Variants in LPCAT2 observed in about 807,000 individuals in gnomAD.
The protein encoded by LPCAT2 is 1-AGP acyltransferase 11.
LPCAT2 carries 58 observed loss-of-function variants against 64.7 expected under a neutral mutation model. That is an observed-to-expected ratio of 0.90 (90% CI 0.73 to 1.12). The LOEUF is 1.12. Ranked by LOEUF, LPCAT2 falls within the 50% of genes most tolerant of loss-of-function variation. The probability of loss-of-function intolerance (pLI) is 0.00; values close to 1 mark genes in which losing one functional copy is unlikely to be tolerated. For synonymous variants in LPCAT2, 252 were observed against 245.3 expected (o/e 1.03, Z -0.26); for missense variants, 579 against 669.8 (o/e 0.86, Z 1.50).
At chr16:55,566,930 A>G (rs1353504833) in intron 11 of LPCAT2, 1 of 1,613,780 alleles carries the variant, frequency 6.2e-7, no homozygotes, top group Admixed American at 1.7e-5. Context: ...AGTATACTCC[A>G]GAACCGCCTC....
At chr16:55,581,553 C>T (rs1416054181) in intron 13 of LPCAT2, among the ~76,000 whole-genome samples, 6 of 152,158 alleles carry the variant, frequency 3.9e-5, no homozygotes, top group Non-Finnish European at 5.9e-5. Flanking sequence ...TCAGAGGTCA[C>T]TGCAGACTAA....
chr16:55,579,069 G>C (rs1211898219), intron 12 of LPCAT2, 40 bp from the exon 13 acceptor site: 1 of 1,599,328 alleles, frequency 6.3e-7, no homozygotes. Context: ...CTACCACTAT[G>C]ATCCTGAGGG....
intron 1 of LPCAT2, among the ~76,000 whole-genome samples, chr16:55,512,117 C>A (rs1962941323): frequency 6.6e-6 from 1 of 152,108 alleles, no homozygotes; most frequent in African/African-American, 2.4e-5. Context: ...ATCCAAGATC[C>A]CTTCTATATT....
rs536731006 is a variant in LPCAT2, at chr16:55,514,762, A to G, written c.171+5410A>G. Among the ~76,000 whole-genome samples, 23 of 152,316 alleles carry G rather than the reference A, an allele frequency of 1.5e-4. No homozygotes were observed. The South Asian group carries it at 4.8e-3, about 32-fold the overall frequency. ...AGAAAGCCCAGACTTTAGTCTTACT[A>G]TACAAAGACTTTAAATCAGATATTT... On this transcript the variant is annotated intron_variant, in intron 1 of 13. Transcript: ENST00000262134.
At chr16:55,529,768 C>T in intron 3 of LPCAT2, 67 bp from the exon 4 acceptor site, 6 of 680,422 alleles carry the variant, frequency 8.8e-6, no homozygotes, top group East Asian at 5.6e-5. Flanking sequence ...GTTATATATC[C>T]AGTATTATTG....
In LPCAT2 at chr16:55,545,809, A is replaced by G. The variant is rs777775615; in HGVS notation, c.927A>G (p.Leu309=). Residue 309 remains leucine (L), a synonymous_variant, in exon 9 of 14, where the codon TTA becomes TTG. Coordinates refer to ENST00000262134, the MANE Select transcript of LPCAT2 (RefSeq NM_017839.5). ...PVLFANKVRN[L]MAEALGIPVT... is the part of the protein sequence containing the mutation. ...TTTTTGCCAATAAAGTCCGGAATTT[A>G]ATGGCAGAGTAAGTGTCTATATTTG... 5.0e-6 allele frequency: 8 copies of G among 1,608,508 alleles called. No individual in the cohort carries two copies. The East Asian group carries it at 1.8e-4, about 36-fold the overall frequency.
intron 11 of LPCAT2, chr16:55,566,717 C>G (rs1963701226): frequency 6.4e-7 from 1 of 1,564,760 alleles, no homozygotes; most frequent in Non-Finnish European, 8.6e-7. Context: ...TTCATACCAT[C>G]TCTAAGATTG....
At chr16:55,542,385 G>T (rs796777597) in intron 8 of LPCAT2, among the ~76,000 whole-genome samples, 87 of 152,218 alleles carry the variant, frequency 5.7e-4, no homozygotes, top group African/African-American at 2.0e-3. Context: ...AATTTCAGGT[G>T]CAATAGAAGG....
intron 11 of LPCAT2, among the ~76,000 whole-genome samples, chr16:55,556,238 G>C (rs536477558): frequency 6.6e-6 from 1 of 152,246 alleles, no homozygotes; most frequent in East Asian, 1.9e-4. Flanking sequence ...AACCATGCAA[G>C]TAATTTTAAA....
intron 11 of LPCAT2, among the ~76,000 whole-genome samples, chr16:55,554,726 A>G (rs1244290738): frequency 6.6e-6 from 1 of 152,206 alleles, no homozygotes; most frequent in Admixed American, 6.5e-5. Flanking sequence ...TGGGCTTTTG[A>G]CATGCCTTCC....
At position 55,585,554 on chromosome 16, in the gene LPCAT2, A is replaced by G. The variant is rs1400182277; in HGVS notation, c.*2456A>G. ...AAATGCACCATGGCTTCATATAGTA[A>G]TATAAAAAAACTCTTTGAAGTGAGA... On this transcript the variant is annotated 3_prime_UTR_variant, in exon 14 of 14. Transcript: ENST00000262134. 1.3e-5 allele frequency: 2 copies of G among 152,230 alleles called. No individual in the cohort carries two copies. Among genetic ancestry groups the G allele is most frequent in the African/African-American group, 4.8e-5 (2 of 41,464 alleles). The allele number at this position is 152,230 out of a possible 1,614,324, so 9.4% of individuals were successfully genotyped here.
chr16:55,537,339 C>T (rs1294671958), intron 7 of LPCAT2, among the ~76,000 whole-genome samples: 2 of 150,704 alleles, frequency 1.3e-5, no homozygotes, highest in South Asian at 2.1e-4. Context: ...TGCAGTGAGC[C>T]GTGATTATGC....
At chr16:55,536,699 T>A (rs1375157640) in intron 7 of LPCAT2, among the ~76,000 whole-genome samples, 16 of 152,216 alleles carry the variant, frequency 1.1e-4, no homozygotes, top group Admixed American at 1.0e-3. Flanking sequence ...GTTCTTTTTT[T>A]AAATGTGTAG....
intron 11 of LPCAT2, chr16:55,567,023 T>G (rs756931412): frequency 6.2e-7 from 1 of 1,613,912 alleles, no homozygotes; most frequent in Non-Finnish European, 8.5e-7. Flanking sequence ...CACAGCTGGC[T>G]GGACCAGACA....
At chr16:55,541,720 C>A in intron 8 of LPCAT2, 1 of 412,524 alleles carries the variant, frequency 2.4e-6, no homozygotes, top group East Asian at 8.3e-5. Context: ...TTCTCACTGA[C>A]AAAAATGGGG....
chr16:55,519,264 G>T (rs1205195479), intron 1 of LPCAT2, among the ~76,000 whole-genome samples: 2 of 152,006 alleles, frequency 1.3e-5, no homozygotes, highest in African/African-American at 4.8e-5. Context: ...ACTTTGGGAG[G>T]CCGAGGTGGG....
rs1325240239 is a variant in LPCAT2, at chr16:55,584,607, T to G, written c.*1509T>G. ...AGTCTTTGAAATAAAACTCCTTGTT[T>G]TGGCCGTGTTTCTGAATGTATTGGT... On this transcript the variant is annotated 3_prime_UTR_variant, in exon 14 of 14. Coordinates refer to ENST00000262134, the MANE Select transcript of LPCAT2 (RefSeq NM_017839.5). The G allele has an allele frequency of 6.6e-6, 1 of 152,204 alleles. No individual in the cohort carries two copies. The highest frequency in any genetic ancestry group is 2.4e-5 in the African/African-American group (1 of 41,464). 9.4% of individuals were successfully genotyped at this position (152,204 alleles called of 1,614,324 possible).
Position 55,550,941 on chromosome 16 carries a change from T to A in LPCAT2, c.1062-8T>A. 1 of 1,564,562 alleles carries A rather than the reference T, an allele frequency of 6.4e-7. No homozygotes were observed. Among genetic ancestry groups the A allele is most frequent in the South Asian group, 1.2e-5 (1 of 84,642 alleles). ...ATAACATGTATCTATAATTCTTTGT[T>A]TGTTTAGATTAGATTGGGATGGTGT... is the stretch of plus-strand genomic sequence containing the variant. On this transcript the variant is annotated splice_region_variant and splice_polypyrimidine_tract_variant and intron_variant, in intron 10 of 13. Coordinates refer to ENST00000262134, the MANE Select transcript of LPCAT2 (RefSeq NM_017839.5).
At chr16:55,536,242 A>G (rs1296467410) in intron 7 of LPCAT2, among the ~76,000 whole-genome samples, 2 of 152,192 alleles carry the variant, frequency 1.3e-5, no homozygotes, top group African/African-American at 4.8e-5. Context: ...TATCCCAAGG[A>G]AAAGGAGACT....
Sources: gnomAD v4.1 joint callset for allele counts (sites outside exome capture counted in the v4.1 genomes callset) on GRCh38, gnomAD v4.1.1 for gene constraint, MANE v1.5 for transcripts, NCBI Gene and HGNC (gene_info 2026-07-23, HGNC 2026-07-21) for gene names.